The following GABBR2 variants were observed in gnomAD, a reference collection of about 807,000 sequenced individuals.
GABBR2 encodes the protein G-protein coupled receptor 51.
A neutral mutation model predicts 105.6 loss-of-function variants in GABBR2; 23 were observed. That is an observed-to-expected ratio of 0.22 (90% CI 0.16 to 0.31). The LOEUF is 0.31. Ranked by LOEUF, GABBR2 falls within the 10% of genes least tolerant of loss-of-function variation. The probability of loss-of-function intolerance (pLI) is 1.00; values close to 1 mark genes in which losing one functional copy is unlikely to be tolerated. For synonymous variants in GABBR2, 478 were observed against 499.7 expected, an observed-to-expected ratio of 0.96 and a Z score of 0.58; for missense variants, 734 against 1,245.5, an observed-to-expected ratio of 0.59 and a Z score of 6.18.
At chr9:98,471,881 A>C (rs1039263135) in intron 6 of GABBR2, among the ~76,000 whole-genome samples, 1 of 152,260 alleles carries the variant, frequency 6.6e-6, no homozygotes, top group African/African-American at 2.4e-5. Flanking sequence ...CTCATTATTC[A>C]ACATCTCAAA....
intron 7 of GABBR2, among the ~76,000 whole-genome samples, chr9:98,433,354 C>A (rs1019481687): frequency 6.6e-6 from 1 of 152,140 alleles, no homozygotes; most frequent in Non-Finnish European, 1.5e-5. Flanking sequence ...TATGTAAAGA[C>A]ATGTACACAT....
chr9:98,460,811 CAGGCAAGATGAACACAA>C (rs151146387), intron 6 of GABBR2, among the ~76,000 whole-genome samples: 62,328 of 152,014 alleles, frequency 0.41, 14,284 homozygotes, highest in Non-Finnish European at 0.51. Context: ...CTATGAACTC[CAGGCAAGATGAACACAA>C]AGGAAAGTTC....
intron 1 of GABBR2, among the ~76,000 whole-genome samples, chr9:98,680,072 G>A (rs534405324): frequency 1.8e-3 from 275 of 152,210 alleles, no homozygotes; most frequent in Admixed American, 4.7e-3. Flanking sequence ...AGGGGCCTAA[G>A]CCATGAACCT....
intron 7 of GABBR2, among the ~76,000 whole-genome samples, chr9:98,424,275 TCAA>T (rs1832834765): frequency 6.6e-6 from 1 of 152,124 alleles, no homozygotes; most frequent in African/African-American, 2.4e-5. Flanking sequence ...TTGACAAAAT[TCAA>T]CAACGCTTCA....
chr9:98,445,899 G>C (rs1454466050), intron 7 of GABBR2, among the ~76,000 whole-genome samples: 1 of 152,238 alleles, frequency 6.6e-6, no homozygotes, highest in Admixed American at 6.5e-5. Flanking sequence ...ATTAGCTTTT[G>C]TGTGTAATGC....
intron 1 of GABBR2, among the ~76,000 whole-genome samples, chr9:98,670,102 T>C (rs1245306107): frequency 1.3e-5 from 2 of 152,176 alleles, no homozygotes; most frequent in Non-Finnish European, 2.9e-5. Context: ...CTGTGGACTT[T>C]CTGCTAGGAA....
At chr9:98,676,717 A>G (rs980885421) in intron 1 of GABBR2, among the ~76,000 whole-genome samples, 2 of 152,194 alleles carry the variant, frequency 1.3e-5, no homozygotes, top group Non-Finnish European at 1.5e-5. Context: ...AGGAACTCAG[A>G]TCCCTGAATG....
rs1359268812 is a variant in GABBR2 at position 98,289,896 on chromosome 9, G to T, written c.*688C>A. ...CACGGTCCCAGGAATGGGTGTTATTGTGTTAACGTGTGGCATTTACCAGAG... is the reference window on the plus strand; with the variant it reads ...CACGGTCCCAGGAATGGGTGTTATTTTGTTAACGTGTGGCATTTACCAGAG... On this transcript the variant is annotated 3_prime_UTR_variant, in exon 19 of 19. Coordinates refer to ENST00000259455, the MANE Select transcript of GABBR2 (RefSeq NM_005458.8). 3.9e-5 allele frequency: 6 copies of T among 152,666 alleles called. No individual in the cohort carries two copies. The highest frequency in any genetic ancestry group is 8.8e-5 in the Non-Finnish European group (6 of 68,106). The allele number at this position is 152,666 out of a possible 1,614,324, so 9.5% of individuals were successfully genotyped here. A position where few individuals can be genotyped will look rare whatever the true frequency, so the allele number is the denominator to read the frequency against.
intron 1 of GABBR2, among the ~76,000 whole-genome samples, chr9:98,617,556 AAT>A (rs1829604650): frequency 6.6e-6 from 1 of 152,164 alleles, no homozygotes; most frequent in African/African-American, 2.4e-5. Flanking sequence ...ACCACACAAA[AAT>A]ACCAAGATTC....
At chr9:98,640,422 G>A (rs72743826) in intron 1 of GABBR2, among the ~76,000 whole-genome samples, 8,906 of 152,216 alleles carry the variant, frequency 0.059, 309 homozygotes, top group Non-Finnish European at 0.081. Flanking sequence ...TACAGGGGCA[G>A]ATTACCCTCA....
chr9:98,683,373 G>T (rs1485054530), intron 1 of GABBR2, among the ~76,000 whole-genome samples: 1 of 152,156 alleles, frequency 6.6e-6, no homozygotes, highest in Non-Finnish European at 1.5e-5. Flanking sequence ...AAAGTGCTGG[G>T]ATTACAGCTG....
intron 3 of GABBR2, among the ~76,000 whole-genome samples, chr9:98,539,301 G>T (rs1461082141): frequency 3.9e-5 from 6 of 152,132 alleles, no homozygotes; most frequent in Non-Finnish European, 7.3e-5. Context: ...CCAATGTCAG[G>T]GCTCACAATT....
chr9:98,578,564 G>A (rs1828953485), intron 1 of GABBR2, among the ~76,000 whole-genome samples: 1 of 152,156 alleles, frequency 6.6e-6, no homozygotes, highest in East Asian at 1.9e-4. Context: ...TCCTGGAGAA[G>A]TTAAACACAG....
intron 1 of GABBR2, among the ~76,000 whole-genome samples, chr9:98,666,197 A>T (rs1315518693): frequency 1.3e-5 from 2 of 152,232 alleles, no homozygotes; most frequent in Admixed American, 6.5e-5. Flanking sequence ...CCTGGAGATG[A>T]TCCCCTGCAG....
At chr9:98,579,374 C>T (rs1828968409) in intron 1 of GABBR2, among the ~76,000 whole-genome samples, 1 of 152,142 alleles carries the variant, frequency 6.6e-6, no homozygotes, top group Non-Finnish European at 1.5e-5. Flanking sequence ...TATCAGGATT[C>T]AGTTCTGGCT....
At position 98,319,773 on chromosome 9, in the gene GABBR2, T is replaced by G. The variant is rs540082734; in HGVS notation, c.1894-8568A>C. ...GCAGGCGCAGAAAAGAACCTGGAACTAGCAGCTGTTTTGGCAGCCAGATGA... is the reference window on the plus strand; with the variant it reads ...GCAGGCGCAGAAAAGAACCTGGAACGAGCAGCTGTTTTGGCAGCCAGATGA... On this transcript the variant is annotated intron_variant, in intron 13 of 18. Coordinates refer to ENST00000259455, the MANE Select transcript of GABBR2 (RefSeq NM_005458.8). 1.4e-4 allele frequency among the ~76,000 whole-genome samples: 22 copies of G among 152,260 alleles called. No individual in the cohort carries two copies. In the East Asian group the frequency reaches 4.1e-3, roughly 28 times the overall value.
intron 13 of GABBR2, among the ~76,000 whole-genome samples, chr9:98,318,916 G>C (rs202005286): frequency 7.1e-6 from 1 of 141,508 alleles, no homozygotes; most frequent in African/African-American, 2.6e-5. Flanking sequence ...TGTGTGTGTT[G>C]GGGGTGTGTG....
chr9:98,412,145 G>A (rs1221413773), intron 7 of GABBR2, among the ~76,000 whole-genome samples: 1 of 152,190 alleles, frequency 6.6e-6, no homozygotes, highest in Non-Finnish European at 1.5e-5. Context: ...TACTCTCCCT[G>A]AGAACAAGAT....
chr9:98,446,186 A>G (rs1475804114), intron 7 of GABBR2, among the ~76,000 whole-genome samples: 2 of 152,244 alleles, frequency 1.3e-5, no homozygotes, highest in African/African-American at 4.8e-5. Context: ...GGTATCTCAT[A>G]GGTATGCAAT....
Sources: gnomAD v4.1 joint callset for allele counts (sites outside exome capture counted in the v4.1 genomes callset) on GRCh38, gnomAD v4.1.1 for gene constraint, MANE v1.5 for transcripts, NCBI Gene and HGNC (gene_info 2026-07-23, HGNC 2026-07-21) for gene names.